RHPN1: variants seen among roughly 807,000 people sequenced by gnomAD.
RHPN1 encodes the protein rhophilin Rho GTPase binding protein 1, also known as rhophilin-1.
A neutral mutation model predicts 74.7 loss-of-function variants in RHPN1; 77 were observed. The ratio of observed to expected loss-of-function variants is 1.03; its 90% CI spans 0.86 to 1.25. The LOEUF (loss-of-function observed/expected upper bound fraction) is 1.25, where lower values mean the gene tolerates loss of function less well. Among genes scored for constraint, RHPN1 ranks in the 50% most tolerant of loss-of-function variants. The pLI, the probability that RHPN1 is intolerant of heterozygous loss-of-function variation, is 0.00. For missense variants in RHPN1, 987 were observed against 932.2 expected, an observed-to-expected ratio of 1.06 and a Z score of -0.77; for synonymous variants, 444 against 414.5, an observed-to-expected ratio of 1.07 and a Z score of -0.87.
upstream of RHPN1, chr8:143,366,654 A>G (rs1461559496): frequency 2.0e-5 from 3 of 152,202 alleles, no homozygotes; most frequent in African/African-American, 7.2e-5. Flanking sequence ...TAGTAATTGA[A>G]TATTTTCCTT....
upstream of RHPN1, chr8:143,366,964 A>C (rs1167259447): frequency 6.6e-6 from 1 of 152,292 alleles, no homozygotes; most frequent in Non-Finnish European, 1.5e-5. Context: ...ACCCAGTGTG[A>C]ACTTTGGAAG....
At chr8:143,378,548 G>T (rs1301332964) in intron 5 of RHPN1, 148 bp from the exon 6 acceptor site, 1 of 1,194,944 alleles carries the variant, frequency 8.4e-7, no homozygotes, top group Non-Finnish European at 1.2e-6. Context: ...GCCGCATGCT[G>T]CTGGCCTTCG....
intron 11 of RHPN1, 133 bp from the exon 12 acceptor site, chr8:143,381,135 A>G: frequency 1.3e-6 from 1 of 750,154 alleles, no homozygotes; most frequent in Non-Finnish European, 2.2e-6. Context: ...TCCTCCCACC[A>G]TTGCAGAGTG....
At chr8:143,365,185 A>G (rs7003432), upstream of RHPN1, among the ~76,000 whole-genome samples, 6,398 of 152,226 alleles carry the variant, frequency 0.042, 460 homozygotes, top group African/African-American at 0.15. Flanking sequence ...AAACAGTGTC[A>G]GCAACCTCCA....
chr8:143,376,641 G>C lies in RHPN1; in HGVS notation c.293G>C (p.Gly98Ala), dbSNP rs745608951. ...LEELSGGVDP[G>A]RHGSEAVTVP... is the part of the protein sequence containing the mutation. ...GAGCTCAGCGGTGGCGTGGACCCTG[G>C]CCGGCATGGGAGGTGCGGGTGGGGG... Residue 98 changes from glycine to alanine, a missense_variant, in exon 3 of 15, where the codon GGC becomes GCC. By Grantham distance (60) the Gly-to-Ala change is moderately conservative. Transcript: ENST00000289013. 8 of 1,571,014 alleles carry C rather than the reference G, an allele frequency of 5.1e-6. No homozygotes were observed. The South Asian group carries it at 9.3e-5, about 18-fold the overall frequency.
intron 5 of RHPN1, 81 bp downstream of exon 5, chr8:143,378,427 CAG>C (rs956046346): frequency 1.8e-6 from 2 of 1,138,960 alleles, no homozygotes; most frequent in African/African-American, 3.4e-5. Flanking sequence ...CAGGAACAGA[CAG>C]AGGAGCTCAG....
In RHPN1 at chr8:143,379,071, G is replaced by A. The variant is rs1356891333; in HGVS notation, c.744G>A (p.Arg248=). The A allele has an allele frequency of 1.3e-6, 2 of 1,517,812 alleles. No individual in the cohort carries two copies. The highest frequency in any genetic ancestry group is 2.2e-5 in the Admixed American group (1 of 46,414). The allele number at this position is 1,517,812 out of a possible 1,614,324, so 94.0% of individuals were successfully genotyped here. A position where few individuals can be genotyped will look rare whatever the true frequency, so the allele number is the denominator to read the frequency against. ...GARRAMEAFQ[R]AAGAFSLLRE... Reference sequence around the variant, plus strand: ...GCCGCGCTATGGAGGCCTTCCAGAGGGCCGCTGGTGAGGGCGGCCCGGGCC... The same window carrying A: ...GCCGCGCTATGGAGGCCTTCCAGAGAGCCGCTGGTGAGGGCGGCCCGGGCC... The change falls in exon 7 of 15, where the codon AGG becomes AGA. Residue 248 remains arginine, a synonymous_variant. Transcript: ENST00000289013.
chr8:143,378,208 A>G lies in RHPN1; in HGVS notation c.382-61A>G. On this transcript the variant is annotated intron_variant, in intron 4 of 14. Coordinates refer to ENST00000289013, the MANE Select transcript of RHPN1 (RefSeq NM_052924.3). ...GTCTTTTCCCAAGGTGGGTTGGGAGACCTCAGGGAAGGAGGCCAGGCACAG... is the reference window on the plus strand; with the variant it reads ...GTCTTTTCCCAAGGTGGGTTGGGAGGCCTCAGGGAAGGAGGCCAGGCACAG... 3 of 1,372,586 alleles carry G rather than the reference A, an allele frequency of 2.2e-6. No individual in the cohort carries two copies. The South Asian group carries it at 3.7e-5, about 17-fold the overall frequency. The allele number at this position is 1,372,586 out of a possible 1,614,324, so 85.0% of individuals were successfully genotyped here.
At chr8:143,381,036 A>G (rs558869910) in intron 11 of RHPN1, among the ~76,000 whole-genome samples, 24 of 152,342 alleles carry the variant, frequency 1.6e-4, no homozygotes, top group Admixed American at 2.6e-4. Flanking sequence ...CCACAGACCC[A>G]GGACAGGCAT....
upstream of RHPN1, among the ~76,000 whole-genome samples, chr8:143,364,818 G>A (rs183221871): frequency 1.6e-4 from 24 of 152,138 alleles, no homozygotes; most frequent in East Asian, 2.1e-3. The surrounding 1 kb of genome is among the most constrained non-coding windows in gnomAD (Gnocchi z 4.5). Flanking sequence ...TCATTTTCAC[G>A]TTCTGTTGAT....
upstream of RHPN1, among the ~76,000 whole-genome samples, chr8:143,365,153 C>T (rs1338943161): frequency 6.6e-6 from 1 of 152,044 alleles, no homozygotes; most frequent in African/African-American, 2.4e-5. Context: ...ACTCCACATT[C>T]TAAAAAAATA....
At position 143,381,845 on chromosome 8, in the gene RHPN1, G is replaced by A; in HGVS notation, c.1674G>A (p.Val558=). The A allele has an allele frequency of 6.2e-7, 1 of 1,613,090 alleles. No homozygotes were observed. The highest frequency in any genetic ancestry group is 1.1e-5 in the South Asian group (1 of 91,048). Residue 558 remains valine, a synonymous_variant, in exon 14 of 15, where the codon GTG becomes GTA. Transcript: ENST00000289013. ...AGGAGGGCGACTACATTGTGTCAGT[G>A]AATGGGCAGCCATGCAGGTGGTGGA... ...GLKEGDYIVS[V]NGQPCRWWRH...
chr8:143,379,652 G>A, intron 8 of RHPN1, 144 bp downstream of exon 8: 1 of 1,444,276 alleles, frequency 6.9e-7, no homozygotes, highest in East Asian at 2.5e-5. Flanking sequence ...TGGGGGGGCT[G>A]GTCAGGAACC....
At chr8:143,380,872 G>A in intron 11 of RHPN1, 89 bp downstream of exon 11, 1 of 1,056,738 alleles carries the variant, frequency 9.5e-7, no homozygotes, top group Admixed American at 2.9e-5. Flanking sequence ...TTGCATTAAA[G>A]ATGCAGTCAC....
rs534951358 is a variant in RHPN1, at chr8:143,377,059, TGCGC to T, written c.306-319_306-316del. On this transcript the variant is annotated intron_variant, in intron 3 of 14. Transcript: ENST00000289013. ...ACGTGTGTCTGTGTGTGTCTGTGTG[TGCGC>T]GTGTGTGTGTCTGCACGTGTGTGCA... Among the ~76,000 whole-genome samples, 8 of 25,226 alleles carry T rather than the reference TGCGC, an allele frequency of 3.2e-4. No individual in the cohort carries two copies. In the Admixed American group the frequency reaches 4.3e-3, roughly 13 times the overall value. The allele number at this position is 25,226 out of a possible 152,430, so 16.5% of individuals were successfully genotyped here. A position where few individuals can be genotyped will look rare whatever the true frequency, so the allele number is the denominator to read the frequency against.
rs1470982796 is a variant in RHPN1, at chr8:143,380,114, C to T, written c.1155C>T (p.Pro385=). ...PTHEQVFLQP[P]TSSKPRGPVL... ...ACGAGCAGGTCTTCCTGCAGCCCCCCACCTCCTCTAAGCCCCGAGGCCCTG... is the reference window on the plus strand; with the variant it reads ...ACGAGCAGGTCTTCCTGCAGCCCCCTACCTCCTCTAAGCCCCGAGGCCCTG... The change falls in exon 10 of 15, where the codon CCC becomes CCT. Residue 385 remains proline (P), a synonymous_variant. Coordinates refer to ENST00000289013, the MANE Select transcript of RHPN1 (RefSeq NM_052924.3). 1.3e-6 allele frequency: 2 copies of T among 1,552,466 alleles called. No individual in the cohort carries two copies. Among genetic ancestry groups the T allele is most frequent in the Non-Finnish European group, 1.7e-6 (2 of 1,149,236 alleles).
In RHPN1 at chr8:143,376,856, GTC is replaced by G. The variant is rs565081116; in HGVS notation, c.305+207_305+208del. ...TGTGCATCTCTGTGTGTGTGCGTGT[GTC>G]TCTGTGTGTATATGTGTGTGCATGT... On this transcript the variant is annotated intron_variant, in intron 3 of 14. Transcript: ENST00000289013. Among the ~76,000 whole-genome samples, 167 of 24,102 alleles carry G rather than the reference GTC, an allele frequency of 6.9e-3. 1 individual carries two copies. Among genetic ancestry groups the G allele is most frequent in the African/African-American group, 0.03 (153 of 5,172 alleles). 15.8% of individuals were successfully genotyped at this position (24,102 alleles called of 152,430 possible). A position where few individuals can be genotyped will look rare whatever the true frequency, so the allele number is the denominator to read the frequency against.
At chr8:143,365,862 T>C (rs922506087), upstream of RHPN1, among the ~76,000 whole-genome samples, 3 of 151,718 alleles carry the variant, frequency 2.0e-5, no homozygotes, top group Middle Eastern at 6.9e-3. Flanking sequence ...CTGGATGTGG[T>C]GGCGCATGCA....
intron 1 of RHPN1, among the ~76,000 whole-genome samples, chr8:143,369,999 G>A (rs954064837): frequency 2.0e-5 from 3 of 152,216 alleles, no homozygotes; most frequent in Non-Finnish European, 1.5e-5. Context: ...ACCCCGAGGC[G>A]TGCCAGAGGC....
Sources: allele counts gnomAD v4.1 joint callset (sites outside exome capture counted in the v4.1 genomes callset), GRCh38; gene constraint gnomAD v4.1.1; non-coding constraint Gnocchi (gnomAD v3.1); transcripts MANE v1.5; gene names NCBI Gene and HGNC (gene_info 2026-07-23, HGNC 2026-07-21).